Variants in ZNF717 observed in about 807,000 individuals in gnomAD.
ZNF717 encodes zinc finger protein 717, also known as krueppel-like factor X17.
ZNF717 carries 9 observed loss-of-function variants against 13.8 expected under a neutral mutation model. The observed-to-expected ratio is 0.65, with a 90% CI of 0.39 to 1.14. ZNF717 has a LOEUF of 1.14. Among genes scored for constraint, ZNF717 ranks in the 50% most tolerant of loss-of-function variants. The pLI is 0.01. For synonymous variants in ZNF717, 327 were observed against 364.1 expected (o/e 0.90, Z 1.16); for missense variants, 1,040 against 1,080.7 (o/e 0.96, Z 0.53).
chr3:75,737,135 A>ATTGT lies in ZNF717; in HGVS notation c.2487_2488insACAA (p.Phe830ThrfsTer15). 1 of 1,565,712 alleles carries ATTGT rather than the reference A, an allele frequency of 6.4e-7. No individual in the cohort carries two copies. The highest frequency in any genetic ancestry group is 8.7e-7 in the Non-Finnish European group (1 of 1,155,492). Reference sequence around the variant, plus strand: ...CCTGTGTGAGTTCTGTGATGTACAAAGAGTTTTGACTTCTGGGAGAAGGTT... The same window carrying ATTGT: ...CCTGTGTGAGTTCTGTGATGTACAAATTGTGAGTTTTGACTTCTGGGAGAAGGTT... On this transcript the variant is annotated frameshift_variant, in exon 5 of 5. Transcript: ENST00000652011. LOFTEE classifies it low-confidence loss of function (END_TRUNC).
chr3:75,759,593 G>C (rs971130776), intron 2 of ZNF717, among the ~76,000 whole-genome samples: 10 of 150,876 alleles, frequency 6.6e-5, no homozygotes, highest in Middle Eastern at 3.5e-3. Flanking sequence ...TTTTGAGACA[G>C]AGTCTCACTC....
intron 2 of ZNF717, among the ~76,000 whole-genome samples, chr3:75,774,749 T>C (rs1944176895): frequency 6.6e-6 from 1 of 150,578 alleles, no homozygotes; most frequent in Non-Finnish European, 1.5e-5. Flanking sequence ...GCCTCCCAAG[T>C]AGCTGGGACT....
At chr3:75,707,004 A>C (rs1454851687), downstream of ZNF717, among the ~76,000 whole-genome samples, 2 of 152,306 alleles carry the variant, frequency 1.3e-5, no homozygotes, top group East Asian at 3.8e-4. Context: ...GTCATGGTCA[A>C]CTTCACAGAT....
At chr3:75,766,562 C>T (rs1030395891) in intron 2 of ZNF717, among the ~76,000 whole-genome samples, 4 of 152,148 alleles carry the variant, frequency 2.6e-5, no homozygotes, top group African/African-American at 9.7e-5. Context: ...AACAACAGAA[C>T]GAAAGCAGGA....
intron 2 of ZNF717, among the ~76,000 whole-genome samples, chr3:75,779,982 T>C (rs1300074226): frequency 2.9e-5 from 4 of 136,220 alleles, no homozygotes; most frequent in Non-Finnish European, 6.2e-5. Context: ...CCCAAAACAA[T>C]GGGAGTGACT....
chr3:75,745,153 G>GTTTTT (rs765947465), intron 2 of ZNF717, among the ~76,000 whole-genome samples: 1 of 118,212 alleles, frequency 8.5e-6, no homozygotes. Flanking sequence ...GCTGTGGTCT[G>GTTTTT]TTGTTTTTTT....
chr3:75,765,283 A>G (rs1943373977), intron 2 of ZNF717, among the ~76,000 whole-genome samples: 1 of 79,982 alleles, frequency 1.3e-5, no homozygotes, highest in Non-Finnish European at 3.3e-5. Flanking sequence ...TAAAAAAAAA[A>G]TCTAGAAATC....
At chr3:75,779,607 G>C (rs1270032858) in intron 2 of ZNF717, among the ~76,000 whole-genome samples, 1 of 145,194 alleles carries the variant, frequency 6.9e-6, no homozygotes, top group African/African-American at 2.6e-5. Context: ...CACTGGGAGA[G>C]ATGTGCTAAA....
At chr3:75,714,987 CT>C (rs1440734095) in intron 5 of ZNF717, among the ~76,000 whole-genome samples, 1 of 152,106 alleles carries the variant, frequency 6.6e-6, no homozygotes, top group Non-Finnish European at 1.5e-5. Flanking sequence ...TTATTTTAGA[CT>C]TTTAGTCATG....
At chr3:75,743,973 T>C (rs2107245546) in intron 2 of ZNF717, among the ~76,000 whole-genome samples, 1 of 152,242 alleles carries the variant, frequency 6.6e-6, no homozygotes, top group Admixed American at 6.5e-5. Flanking sequence ...AAACTAAAGA[T>C]AAAGATTTGG....
In ZNF717 at chr3:75,741,609, C is replaced by T. The variant is rs764110944; in HGVS notation, c.184+1G>A. 1.3e-6 allele frequency: 2 copies of T among 1,588,508 alleles called. No individual in the cohort carries two copies. The highest frequency in any genetic ancestry group is 2.7e-5 in the African/African-American group (2 of 72,782). On this transcript the variant is annotated splice_donor_variant, in intron 3 of 4. Transcript: ENST00000652011. LOFTEE classifies it high-confidence loss of function. ...GGGAGTTACTGGCAAGTTTCACTCA[C>T]CCAATGATACCAGGCTGCTGTAGGT...
intron 6 of ZNF717, among the ~76,000 whole-genome samples, chr3:75,698,399 C>T (rs1310656443): frequency 2.6e-5 from 4 of 152,400 alleles, no homozygotes; most frequent in African/African-American, 9.6e-5. Flanking sequence ...AGTCCCCCAT[C>T]ATAGGCCCTG....
In ZNF717 at chr3:75,737,735, G is replaced by A; in HGVS notation, c.1888C>T (p.Gln630Ter). 1 of 1,546,386 alleles carries A rather than the reference G, an allele frequency of 6.5e-7. No homozygotes were observed. The highest frequency in any genetic ancestry group is 8.7e-7 in the Non-Finnish European group (1 of 1,143,112). ...ECNECGKTFR[Q>*]KSNLSTHQGT... ...TGATGGGTGCTGAGATTTGACTTCTGACGAAAGGTTTTTCCACATTCATTA... is the reference window on the plus strand; with the variant it reads ...TGATGGGTGCTGAGATTTGACTTCTAACGAAAGGTTTTTCCACATTCATTA... Residue 630 changes from glutamine (Q) to a stop codon, truncating the protein, a stop_gained, in exon 5 of 5, where the codon CAG (glutamine) becomes TAG (stop). Transcript: ENST00000652011. LOFTEE classifies it low-confidence loss of function (END_TRUNC).
At chr3:75,754,270 A>C (rs1450740422) in intron 2 of ZNF717, among the ~76,000 whole-genome samples, 1 of 152,264 alleles carries the variant, frequency 6.6e-6, no homozygotes, top group African/African-American at 2.4e-5. Flanking sequence ...ACATTACTGA[A>C]GCTATATTAA....
At chr3:75,718,538 T>C (rs9864750) in intron 4 of ZNF717, among the ~76,000 whole-genome samples, 6,832 of 152,260 alleles carry the variant, frequency 0.045, 509 homozygotes, top group African/African-American at 0.16. Flanking sequence ...ATAAATGTGA[T>C]ATACAGTTAT....
At chr3:75,715,311 G>C (rs369604540) in intron 5 of ZNF717, among the ~76,000 whole-genome samples, 37 of 152,200 alleles carry the variant, frequency 2.4e-4, no homozygotes, top group Non-Finnish European at 5.1e-4. Context: ...CTGTTTGCCA[G>C]TGTGATTTGC....
At chr3:75,727,607 G>A (rs1011816661), downstream of ZNF717, among the ~76,000 whole-genome samples, 1 of 152,196 alleles carries the variant, frequency 6.6e-6, no homozygotes, top group African/African-American at 2.4e-5. Context: ...GTACCCTCAG[G>A]CTTGCTAGGA....
intron 2 of ZNF717, among the ~76,000 whole-genome samples, chr3:75,769,774 G>C (rs146882696): frequency 1.3e-5 from 2 of 152,170 alleles, no homozygotes; most frequent in Non-Finnish European, 2.9e-5. Context: ...TAAACACTTA[G>C]AACTGATGCA....
intron 2 of ZNF717, among the ~76,000 whole-genome samples, chr3:75,768,926 T>A (rs1358526629): frequency 1.3e-5 from 2 of 152,208 alleles, no homozygotes. Flanking sequence ...AATCACAACC[T>A]GATTCAGGAT....
Sources: allele counts gnomAD v4.1 joint callset (sites outside exome capture counted in the v4.1 genomes callset), GRCh38; gene constraint gnomAD v4.1.1; transcripts MANE v1.5; gene names NCBI Gene and HGNC (gene_info 2026-07-23, HGNC 2026-07-21).